KIAA1671: variants seen among roughly 807,000 people sequenced by gnomAD.
KIAA1671 encodes the protein KIAA1671.
KIAA1671 carries 52 observed loss-of-function variants against 131.2 expected under a neutral mutation model. The ratio of observed to expected loss-of-function variants is 0.40; its 90% CI spans 0.32 to 0.50. The LOEUF (loss-of-function observed/expected upper bound fraction) is 0.50. KIAA1671 is among the 20% of genes least tolerant of loss of function. The probability of loss-of-function intolerance (pLI) is 0.73; values close to 1 mark genes in which losing one functional copy is unlikely to be tolerated. For missense variants in KIAA1671, 2,360 were observed against 2,364.2 expected (o/e 1.00, Z 0.04); for synonymous variants, 1,003 against 961.6 (o/e 1.04, Z -0.80).
chr22:25,075,165 C>T (rs1453256496), intron 6 of KIAA1671, among the ~76,000 whole-genome samples: 1 of 152,138 alleles, frequency 6.6e-6, no homozygotes, highest in Non-Finnish European at 1.5e-5. Flanking sequence ...GGACATTTGG[C>T]AATGTCTGGA....
chr22:24,983,774 A>ATTTTT (rs1164602658), intron 1 of KIAA1671, among the ~76,000 whole-genome samples: 2 of 116,750 alleles, frequency 1.7e-5, no homozygotes, highest in Non-Finnish European at 3.4e-5. Context: ...GGTGTTTGGA[A>ATTTTT]TTTTTTTTTT....
Position 25,029,472 on chromosome 22 carries a change from A to T in KIAA1671, c.1473A>T (p.Ser491=), listed in dbSNP as rs12330067. ...TCAGAGGCTGGACTGCCGAGAGCTC[A>T]GAGGCTAAGCCCGAGGTCAGGAGGA... The part of the protein sequence containing the change: ...ERIRGWTAES[S]EAKPEVRRRT... Residue 491 remains serine (S), a synonymous_variant, in exon 3 of 13, where the codon TCA becomes TCT. Coordinates refer to ENST00000358431, the MANE Select transcript of KIAA1671 (RefSeq NM_001145206.2). 2 of 1,551,008 alleles carry T rather than the reference A, an allele frequency of 1.3e-6. No individual in the cohort carries two copies. Among genetic ancestry groups the T allele is most frequent in the Non-Finnish European group, 8.7e-7 (1 of 1,146,854 alleles).
In KIAA1671 at chr22:25,040,289, A is replaced by C. The variant is rs1470300988; in HGVS notation, c.3159A>C (p.Glu1053Asp). 4 of 1,551,614 alleles carry C rather than the reference A, an allele frequency of 2.6e-6. No homozygotes were observed. The highest frequency in any genetic ancestry group is 2.4e-5 in the East Asian group (1 of 40,926). Residue 1053 changes from glutamate to aspartate, a missense_variant, in exon 5 of 13, where the codon GAA becomes GAC. Physicochemically the swap from Glu to Asp is conservative, Grantham distance 45. This residue lies in a region of KIAA1671 where 1,161 missense variants were observed against 1,204.7 expected (regional missense o/e 0.96). Transcript: ENST00000358431. ...TGTCAGGAGCTGAAAGCTTGCTGGA[A>C]CATTCTAGAAAAATCACTCCACCCT... Reference protein sequence around the residue: ...VVLSGAESLLEHSRKITPPSS... With the variant: ...VVLSGAESLLDHSRKITPPSS...
intron 6 of KIAA1671, among the ~76,000 whole-genome samples, chr22:25,110,461 T>C (rs1020181446): frequency 1.3e-5 from 2 of 152,226 alleles, no homozygotes; most frequent in African/African-American, 2.4e-5. Flanking sequence ...CTCTGGTGCA[T>C]GCCTGGTGAC....
intron 1 of KIAA1671, among the ~76,000 whole-genome samples, chr22:24,984,781 G>T (rs1274696530): frequency 6.6e-6 from 1 of 151,974 alleles, no homozygotes; most frequent in Non-Finnish European, 1.5e-5. Context: ...GGGCTTGGCG[G>T]CATGTGCCTG....
chr22:25,030,552 A>G (rs1467981133), intron 3 of KIAA1671, among the ~76,000 whole-genome samples: 5 of 151,918 alleles, frequency 3.3e-5, no homozygotes, highest in Non-Finnish European at 5.9e-5. Flanking sequence ...AAACACCAAA[A>G]AACAAAAACA....
chr22:25,169,465 T>C (rs1191119132), intron 6 of KIAA1671, among the ~76,000 whole-genome samples: 1 of 148,456 alleles, frequency 6.7e-6, no homozygotes, highest in Non-Finnish European at 1.5e-5. Flanking sequence ...CATTCAAAGC[T>C]TCAAAGCTCA....
intron 6 of KIAA1671, among the ~76,000 whole-genome samples, chr22:25,166,032 C>T (rs956508618): frequency 6.6e-6 from 1 of 152,230 alleles, no homozygotes; most frequent in Non-Finnish European, 1.5e-5. Context: ...TGTGGAAGGG[C>T]TTTGAGCAGG....
chr22:25,003,400 A>ATTTTT (rs71191013), intron 1 of KIAA1671, among the ~76,000 whole-genome samples: 6 of 113,842 alleles, frequency 5.3e-5, no homozygotes, highest in African/African-American at 8.4e-5. Context: ...ACTTGGAGAG[A>ATTTTT]TTTTTTTTTT....
At chr22:25,086,235 C>CT (rs1929715759) in intron 6 of KIAA1671, among the ~76,000 whole-genome samples, 1 of 152,228 alleles carries the variant, frequency 6.6e-6, no homozygotes, top group African/African-American at 2.4e-5. Flanking sequence ...TCATCTCTGT[C>CT]TCTCCACTTC....
At chr22:24,972,853 GATA>G (rs1469112532) in intron 1 of KIAA1671, among the ~76,000 whole-genome samples, 1 of 152,226 alleles carries the variant, frequency 6.6e-6, no homozygotes, top group East Asian at 1.9e-4. Context: ...CAGAACTTCA[GATA>G]ATGATTAAGA....
At chr22:24,981,092 T>TC (rs1923213425) in intron 1 of KIAA1671, among the ~76,000 whole-genome samples, 5 of 140,730 alleles carry the variant, frequency 3.6e-5, no homozygotes, top group Admixed American at 2.1e-4. Context: ...GTGTGTGTTT[T>TC]TACTGTATCT....
intron 6 of KIAA1671, chr22:25,070,150 G>A (rs761128253): frequency 1.3e-5 from 5 of 381,458 alleles, no homozygotes; most frequent in Admixed American, 4.5e-5. Context: ...TGCCCCGGGC[G>A]GGGCTCATAG....
rs545290329 is a variant in KIAA1671 at position 25,068,169 on chromosome 22, G to A, written c.4530+18805G>A. On this transcript the variant is annotated intron_variant, in intron 6 of 12. Coordinates refer to ENST00000358431, the MANE Select transcript of KIAA1671 (RefSeq NM_001145206.2). ...AGTTAGGGAGCAGGGCCGGCCTTCC[G>A]ACTGTGCCGTCAGGGAGCAGGGCCA... Among the ~76,000 whole-genome samples the A allele has an allele frequency of 7.4e-5, 11 of 149,142 alleles. No individual in the cohort carries two copies. The South Asian group carries it at 1.8e-3, about 24-fold the overall frequency.
intron 5 of KIAA1671, among the ~76,000 whole-genome samples, chr22:25,042,463 GTTTT>G (rs3063202): frequency 1.9e-5 from 2 of 104,892 alleles, no homozygotes; most frequent in Non-Finnish European, 3.6e-5. Context: ...GCAGTCCCTT[GTTTT>G]TTTTTTTTTT....
chr22:24,976,647 C>A (rs1276332674), intron 1 of KIAA1671, among the ~76,000 whole-genome samples: 2 of 152,232 alleles, frequency 1.3e-5, no homozygotes, highest in Non-Finnish European at 2.9e-5. Context: ...CAGCACCCAG[C>A]ACCCCTGTGG....
Position 25,074,514 on chromosome 22 carries a change from A to G in KIAA1671, c.4530+25150A>G, listed in dbSNP as rs9612852. ...TGTGTCTCAAAAAAAAAAAAAAAAA[A>G]AAAGAAAGAAAGAAATTGAGGCATA... On this transcript the variant is annotated intron_variant, in intron 6 of 12. Transcript: ENST00000358431. Among the ~76,000 whole-genome samples the G allele has an allele frequency of 2.9e-3, 343 of 117,456 alleles. 3 individuals are homozygous for G. Among genetic ancestry groups the G allele is most frequent in the South Asian group, 0.011 (41 of 3,626 alleles). The allele number at this position is 117,456 out of a possible 152,430, so 77.1% of individuals were successfully genotyped here.
intron 6 of KIAA1671, chr22:25,060,216 T>C (rs535707225): frequency 6.6e-6 from 1 of 152,332 alleles, no homozygotes; most frequent in South Asian, 2.1e-4. Context: ...GGACTCTTGC[T>C]CTGTTGCCAA....
At chr22:25,009,655 TAC>T (rs1326192536) in intron 1 of KIAA1671, 1 of 150,060 alleles carries the variant, frequency 6.7e-6, no homozygotes, top group Non-Finnish European at 1.5e-5. Context: ...GATCTTGGCT[TAC>T]TGCAACCTCT....
Sources: allele counts gnomAD v4.1 joint callset (sites outside exome capture counted in the v4.1 genomes callset), GRCh38; gene constraint gnomAD v4.1.1; regional missense constraint gnomAD v4.1.1; transcripts MANE v1.5; gene names NCBI Gene and HGNC (gene_info 2026-07-23, HGNC 2026-07-21).